SHANK1: variants seen among roughly 807,000 people sequenced by gnomAD.
SHANK1 encodes the protein SH3 and multiple ankyrin repeat domains protein 1.
SHANK1 carries 35 observed loss-of-function variants against 165.6 expected under a neutral mutation model. The observed-to-expected ratio is 0.21, with a 90% CI of 0.16 to 0.28. The LOEUF (loss-of-function observed/expected upper bound fraction) is 0.28. Ranked by LOEUF, SHANK1 falls within the 10% of genes least tolerant of loss-of-function variation. SHANK1 has a pLI of 1.00. For synonymous variants in SHANK1, 1,428 were observed against 1,384.8 expected, an observed-to-expected ratio of 1.03 and a Z score of -0.69; for missense variants, 2,681 against 3,036.4, an observed-to-expected ratio of 0.88 and a Z score of 2.75.
At chr19:50,689,591 C>G (rs1048597047) in intron 15 of SHANK1, among the ~76,000 whole-genome samples, 5 of 152,138 alleles carry the variant, frequency 3.3e-5, no homozygotes, top group African/African-American at 9.7e-5. Context: ...GATTACCAGA[C>G]AGCCAGGCTT....
In SHANK1 at chr19:50,702,727, G is replaced by A; in HGVS notation, c.1554-67C>T. 1 of 1,029,838 alleles carries A rather than the reference G, an allele frequency of 9.7e-7. No individual in the cohort carries two copies. Among genetic ancestry groups the A allele is most frequent in the Non-Finnish European group, 1.4e-6 (1 of 721,090 alleles). 63.8% of individuals were successfully genotyped at this position (1,029,838 alleles called of 1,614,324 possible). A position where few individuals can be genotyped will look rare whatever the true frequency, so the allele number is the denominator to read the frequency against. ...AGGGGACACCTCTGGGAGGACAGGG[G>A]TCCTTGGGTGGGGGAAGAGGACGGT... On this transcript the variant is annotated intron_variant, in intron 11 of 23. Coordinates refer to ENST00000293441, the MANE Select transcript of SHANK1 (RefSeq NM_016148.5). The surrounding 1 kb of genome is among the most constrained non-coding windows in gnomAD (Gnocchi z 5.3).
chr19:50,671,511 T>C (rs2123093363), intron 22 of SHANK1, among the ~76,000 whole-genome samples: 1 of 150,644 alleles, frequency 6.6e-6, no homozygotes, highest in African/African-American at 2.4e-5. Flanking sequence ...CCATAGCACG[T>C]ACAACTGCTA....
At chr19:50,704,207 C>T in intron 9 of SHANK1, 21 bp from the exon 10 acceptor site, 1 of 1,612,552 alleles carries the variant, frequency 6.2e-7, no homozygotes. Flanking sequence ...GGGGTAGAGG[C>T]AGGTCGGCCA....
chr19:50,702,666 T>C lies in SHANK1; in HGVS notation c.1554-6A>G. 6.5e-7 allele frequency: 1 copy of C among 1,537,422 alleles called. No individual in the cohort carries two copies. The highest frequency in any genetic ancestry group is 1.9e-4 in the Middle Eastern group (1 of 5,162). On this transcript the variant is annotated splice_polypyrimidine_tract_variant and splice_region_variant and intron_variant, in intron 11 of 23. Coordinates refer to ENST00000293441, the MANE Select transcript of SHANK1 (RefSeq NM_016148.5). This position sits in a 1 kb window ranked among gnomAD's most constrained non-coding sequence, Gnocchi z 5.3. The stretch of plus-strand genomic sequence containing the variant: ...CCCGGGGTGTCCCGCTGGAGCTGCG[T>C]ACACAGAGGGCATGAGAGGAGGGGA...
Position 50,686,687 on chromosome 19 carries a change from C to T in SHANK1, c.2458+57G>A, listed in dbSNP as rs1029090072. On this transcript the variant is annotated intron_variant, in intron 20 of 23. Transcript: ENST00000293441. The surrounding 1 kb of genome is among the most constrained non-coding windows in gnomAD (Gnocchi z 5.7). ...TGGGGTTCATGGTGGGACAGGGATG[C>T]AGCGGGTGCCGGGGCTGGGGCCCGG... 101 of 1,523,226 alleles carry T rather than the reference C, an allele frequency of 6.6e-5. No homozygotes were observed. The highest frequency in any genetic ancestry group is 8.7e-5 in the Non-Finnish European group (96 of 1,101,780). The allele number at this position is 1,523,226 out of a possible 1,614,324, so 94.4% of individuals were successfully genotyped here.
intron 12 of SHANK1, among the ~76,000 whole-genome samples, chr19:50,699,823 A>G (rs1193662151): frequency 1.3e-5 from 2 of 149,516 alleles, no homozygotes; most frequent in Non-Finnish European, 3.0e-5. Flanking sequence ...GGATTGGGGC[A>G]TTAGAGGATT....
At position 50,686,923 on chromosome 19, in the gene SHANK1, G is replaced by A. The variant is rs889234196; in HGVS notation, c.2390-111C>T. 32 of 1,409,194 alleles carry A rather than the reference G, an allele frequency of 2.3e-5. No homozygotes were observed. The highest frequency in any genetic ancestry group is 2.9e-5 in the African/African-American group (2 of 68,126). 87.3% of individuals were successfully genotyped at this position (1,409,194 alleles called of 1,614,324 possible). Reference sequence around the variant, plus strand: ...GCGGGCCAGTGGGCGTGGCGGGCGCGAGAGGGGCAGTGAGGGGCCGGGGTC... The same window carrying A: ...GCGGGCCAGTGGGCGTGGCGGGCGCAAGAGGGGCAGTGAGGGGCCGGGGTC... On this transcript the variant is annotated intron_variant, in intron 19 of 23. Coordinates refer to ENST00000293441, the MANE Select transcript of SHANK1 (RefSeq NM_016148.5). The surrounding 1 kb of genome is among the most constrained non-coding windows in gnomAD (Gnocchi z 5.7).
chr19:50,685,699 G>A (rs547608198), intron 21 of SHANK1, among the ~76,000 whole-genome samples: 2 of 151,968 alleles, frequency 1.3e-5, no homozygotes, highest in Non-Finnish European at 2.9e-5. Context: ...ACTCCAGCCT[G>A]GGCGACAGAG....
In SHANK1 at chr19:50,715,691, C is replaced by T; in HGVS notation, c.499G>A (p.Asp167Asn). Reference protein sequence around the residue: ...KTRVYKQTNLDEKQLAKLHTK... With the variant: ...KTRVYKQTNLNEKQLAKLHTK... ...TGCAACTTGGCCAGCTGCTTCTCAT[C>T]CAGGTTGGTCTGTTTGTAAACTCGG... The change falls in exon 4 of 24, where the codon GAT (aspartate) becomes AAT (asparagine). Residue 167 changes from aspartate (D) to asparagine (N), a missense_variant. Transcript: ENST00000293441. 6.2e-7 allele frequency: 1 copy of T among 1,614,064 alleles called. No homozygotes were observed. Among genetic ancestry groups the T allele is most frequent in the Non-Finnish European group, 8.5e-7 (1 of 1,180,012 alleles).
In SHANK1 at chr19:50,707,745, C is replaced by T. The variant is rs149080817; in HGVS notation, c.1078-3231G>A. On this transcript the variant is annotated intron_variant, in intron 8 of 23. Transcript: ENST00000293441. ...GACGACTCTGACTGCCAAAGTCACACATCGGGCAGCAGAGTTAGCCCAGTG... is the reference window on the plus strand; with the variant it reads ...GACGACTCTGACTGCCAAAGTCACATATCGGGCAGCAGAGTTAGCCCAGTG... 2.2e-3 allele frequency among the ~76,000 whole-genome samples: 331 copies of T among 152,096 alleles called. 1 individual carries two copies. Among genetic ancestry groups the T allele is most frequent in the African/African-American group, 7.8e-3 (322 of 41,502 alleles).
At chr19:50,671,966 T>A in intron 22 of SHANK1, 52 bp downstream of exon 22, 1 of 1,344,618 alleles carries the variant, frequency 7.4e-7, no homozygotes, top group Non-Finnish European at 1.1e-6. Flanking sequence ...TCCTGAACTG[T>A]CACGTTCCTG....
intron 16 of SHANK1, 96 bp downstream of exon 16, chr19:50,689,101 C>T (rs537646210): frequency 1.1e-5 from 13 of 1,156,404 alleles, no homozygotes; most frequent in Admixed American, 5.6e-5. Flanking sequence ...GGGTGGTGGG[C>T]GGGCTGGGGT....
Position 50,712,010 on chromosome 19 carries a change from C to T in SHANK1, c.897G>A (p.Leu299=), listed in dbSNP as rs781711192. Residue 299 remains leucine, a synonymous_variant, in exon 7 of 24, where the codon CTG becomes CTA. Transcript: ENST00000293441. ...MVGGDPRCCE[L]LLFNRAQLGI... ...CCAGCTGGGCCCTGTTGAACAGGAG[C>T]AGCTCGCAGCATCGGGGGTCACCAC... The T allele has an allele frequency of 6.2e-7, 1 of 1,614,038 alleles. No homozygotes were observed. The highest frequency in any genetic ancestry group is 1.7e-5 in the Admixed American group (1 of 60,014).
intron 15 of SHANK1, 56 bp from the exon 16 acceptor site, chr19:50,689,335 T>C: frequency 7.6e-7 from 1 of 1,309,838 alleles, no homozygotes. Context: ...GAAGACATCA[T>C]GAGACACAGA....
Position 50,697,047 on chromosome 19 carries a change from C to T in SHANK1, c.1964+49G>A. 1 of 1,524,414 alleles carries T rather than the reference C, an allele frequency of 6.6e-7. No individual in the cohort carries two copies. Among genetic ancestry groups the T allele is most frequent in the South Asian group, 1.1e-5 (1 of 89,336 alleles). 94.4% of individuals were successfully genotyped at this position (1,524,414 alleles called of 1,614,324 possible). A position where few individuals can be genotyped will look rare whatever the true frequency, so the allele number is the denominator to read the frequency against. On this transcript the variant is annotated intron_variant, in intron 15 of 23. Coordinates refer to ENST00000293441, the MANE Select transcript of SHANK1 (RefSeq NM_016148.5). This position sits in a 1 kb window ranked among gnomAD's most constrained non-coding sequence, Gnocchi z 4.7. ...CACGTTCACACGCCCCCCAGGCACC[C>T]CGTCCTTCCCCTCCTGACCCCATCC...
chr19:50,669,284 A>C lies in SHANK1; in HGVS notation c.2676T>G (p.Gly892=). The change falls in exon 23 of 24, where the codon GGT becomes GGG. Residue 892 remains glycine, a splice_region_variant and synonymous_variant. Coordinates refer to ENST00000293441, the MANE Select transcript of SHANK1 (RefSeq NM_016148.5). ...GGTAAGGTCTGTCATCTTCTGCCGC[A>C]CCTGGGGAGATACAGAGGCTCAAGG... ...PGLMLRQKSI[G]AAEDDRPYLA... 6.2e-7 allele frequency: 1 copy of C among 1,605,584 alleles called. No individual in the cohort carries two copies.
At position 50,688,044 on chromosome 19, in the gene SHANK1, A is replaced by T. The variant is rs1568435921; in HGVS notation, c.2187T>A (p.Asn729Lys). The T allele has an allele frequency of 1.2e-6, 2 of 1,613,976 alleles. No homozygotes were observed. The highest frequency in any genetic ancestry group is 2.2e-5 in the South Asian group (2 of 91,080). Reference sequence around the variant, plus strand: ...CCTGTCGGTGGCCGACCTTCACCACATTCTGCCCGTTCACCTGTGGCACAG... The same window carrying T: ...CCTGTCGGTGGCCGACCTTCACCACTTTCTGCCCGTTCACCTGTGGCACAG... The part of the protein sequence containing the change: ...GDFLIEVNGQ[N>K]VVKVGHRQVV... Residue 729 changes from asparagine (N) to lysine (K), a missense_variant, in exon 18 of 24, where the codon AAT (asparagine) becomes AAA (lysine). This residue lies in a region of SHANK1 where 147 missense variants were observed against 256.5 expected (regional missense o/e 0.57). Transcript: ENST00000293441. This position sits in a 1 kb window ranked among gnomAD's most constrained non-coding sequence, Gnocchi z 6.7.
At position 50,659,594 on chromosome 19, in the gene SHANK1, TTTTA is replaced by T. The variant is rs140056472; in HGVS notation, c.*2367_*2370del. Among the ~76,000 whole-genome samples the T allele has an allele frequency of 8.0e-3, 1,046 of 131,334 alleles. 19 individuals carry two copies. Among genetic ancestry groups the T allele is most frequent in the African/African-American group, 0.027 (956 of 35,664 alleles). The allele number at this position is 131,334 out of a possible 152,430, so 86.2% of individuals were successfully genotyped here. On this transcript the variant is annotated 3_prime_UTR_variant, in exon 24 of 24. Transcript: ENST00000293441. ...CCCCCTTGGAAGACAATTCTCGGGC[TTTTA>T]TTTCAGGTTTTTTTTCTGGATTTTT...
chr19:50,698,885 G>A (rs941265168), intron 12 of SHANK1, among the ~76,000 whole-genome samples: 5 of 152,168 alleles, frequency 3.3e-5, no homozygotes, highest in African/African-American at 1.2e-4. Context: ...CCATTTCTCC[G>A]GCATTTTTCA....
Sources: allele counts gnomAD v4.1 joint callset (sites outside exome capture counted in the v4.1 genomes callset), GRCh38; gene constraint gnomAD v4.1.1; regional missense constraint gnomAD v4.1.1; non-coding constraint Gnocchi (gnomAD v3.1); transcripts MANE v1.5; gene names NCBI Gene and HGNC (gene_info 2026-07-23, HGNC 2026-07-21).